The following ZEB1 variants were observed in gnomAD, a reference collection of about 807,000 sequenced individuals.
The protein encoded by ZEB1 is zinc finger E-box-binding homeobox 1.
A neutral mutation model predicts 84.9 loss-of-function variants in ZEB1; 21 were observed. The observed-to-expected ratio is 0.25, with a 90% CI of 0.18 to 0.36. ZEB1 has a LOEUF of 0.36. Ranked by LOEUF, ZEB1 falls within the 10% of genes least tolerant of loss-of-function variation. The pLI, the probability that ZEB1 is intolerant of heterozygous loss-of-function variation, is 1.00. For missense variants in ZEB1, 1,104 were observed against 1,330.2 expected, an observed-to-expected ratio of 0.83 and a Z score of 2.65; for synonymous variants, 420 against 471.1, an observed-to-expected ratio of 0.89 and a Z score of 1.41.
At chr10:31,322,413 G>A (rs2034356933) in intron 1 of ZEB1, among the ~76,000 whole-genome samples, 1 of 152,178 alleles carries the variant, frequency 6.6e-6, no homozygotes, top group Non-Finnish European at 1.5e-5. Flanking sequence ...TGTTATATAT[G>A]TAAATAATGT....
chr10:31,509,021 G>A (rs1392712136), intron 4 of ZEB1, among the ~76,000 whole-genome samples: 1 of 152,142 alleles, frequency 6.6e-6, no homozygotes. Context: ...CAGCTCCTCT[G>A]CTGGGAGGAG....
intron 1 of ZEB1, among the ~76,000 whole-genome samples, chr10:31,346,793 C>T (rs2040397422): frequency 6.6e-6 from 1 of 152,156 alleles, no homozygotes; most frequent in African/African-American, 2.4e-5. Flanking sequence ...AGTCCCATTT[C>T]TGTCTTAAAA....
intron 1 of ZEB1, chr10:31,363,408 CTT>C: frequency 6.5e-7 from 1 of 1,534,490 alleles, no homozygotes. Context: ...CTGTCAAGCT[CTT>C]GAGGTGGACA....
At chr10:31,391,507 C>T (rs1199540948) in intron 1 of ZEB1, among the ~76,000 whole-genome samples, 1 of 151,900 alleles carries the variant, frequency 6.6e-6, no homozygotes, top group African/African-American at 2.4e-5. Flanking sequence ...CTAGAAATAT[C>T]CTGGGTTTAT....
At chr10:31,364,416 C>T (rs946268485) in intron 1 of ZEB1, among the ~76,000 whole-genome samples, 6 of 152,138 alleles carry the variant, frequency 3.9e-5, no homozygotes, top group African/African-American at 1.2e-4. Context: ...TGGCTAGCAC[C>T]CAGTGGCCCT....
At chr10:31,321,689 A>G (rs914790842) in intron 1 of ZEB1, 1 of 1,043,190 alleles carries the variant, frequency 9.6e-7, no homozygotes, top group African/African-American at 1.6e-5. Flanking sequence ...TTACCTGAAC[A>G]GGAAAGAATG....
At chr10:31,501,853 C>T (rs2068190741) in intron 3 of ZEB1, among the ~76,000 whole-genome samples, 1 of 152,126 alleles carries the variant, frequency 6.6e-6, no homozygotes, top group Non-Finnish European at 1.5e-5. Flanking sequence ...AATTATTCTT[C>T]TTGTACTGTA....
chr10:31,479,416 T>A (rs1310222550), intron 2 of ZEB1, among the ~76,000 whole-genome samples: 2 of 151,924 alleles, frequency 1.3e-5, no homozygotes, highest in Non-Finnish European at 2.9e-5. Flanking sequence ...AAGACCAGCA[T>A]TGTTATGATA....
chr10:31,386,781 G>A (rs534300554), intron 1 of ZEB1, among the ~76,000 whole-genome samples: 27 of 152,098 alleles, frequency 1.8e-4, no homozygotes, highest in Non-Finnish European at 3.5e-4. Flanking sequence ...CTAACCCATT[G>A]CTTTTTAATG....
chr10:31,362,904 C>G, intron 1 of ZEB1: 1 of 1,432,918 alleles, frequency 7.0e-7, no homozygotes, highest in East Asian at 2.5e-5. Flanking sequence ...CTCTCATGTT[C>G]TTACGCATGT....
intron 1 of ZEB1, among the ~76,000 whole-genome samples, chr10:31,326,066 T>G (rs1485483291): frequency 6.6e-6 from 1 of 151,918 alleles, no homozygotes; most frequent in Non-Finnish European, 1.5e-5. Context: ...ATATGGAAGA[T>G]TCATCTTTTC....
At chr10:31,438,600 G>A (rs1591263576) in intron 1 of ZEB1, among the ~76,000 whole-genome samples, 1 of 152,130 alleles carries the variant, frequency 6.6e-6, no homozygotes, top group African/African-American at 2.4e-5. Context: ...ACTTTGGAAG[G>A]CCAAGCCGGA....
At chr10:31,471,024 G>T (rs1244299589) in intron 2 of ZEB1, among the ~76,000 whole-genome samples, 32 of 132,294 alleles carry the variant, frequency 2.4e-4, no homozygotes, top group Admixed American at 8.5e-4. Flanking sequence ...GAGAGATTTT[G>T]TCACCAGCAG....
chr10:31,387,650 G>A, intron 1 of ZEB1: 8 of 683,194 alleles, frequency 1.2e-5, no homozygotes, highest in Non-Finnish European at 1.3e-5. Flanking sequence ...AATAGCTTCA[G>A]TTGATAGAGC....
At chr10:31,449,336 T>G (rs184302135) in intron 1 of ZEB1, among the ~76,000 whole-genome samples, 1,892 of 152,322 alleles carry the variant, frequency 0.012, 31 homozygotes, top group African/African-American at 0.043. Context: ...GAGATGAACC[T>G]GGTACCTCAG....
At chr10:31,321,634 G>T in intron 1 of ZEB1, 1 of 1,571,328 alleles carries the variant, frequency 6.4e-7, no homozygotes, top group Non-Finnish European at 8.8e-7. Context: ...TGTGTGACAT[G>T]TGAGTCTGAA....
intron 1 of ZEB1, among the ~76,000 whole-genome samples, chr10:31,396,691 T>C (rs980845345): frequency 8.5e-5 from 13 of 152,206 alleles, no homozygotes; most frequent in African/African-American, 2.9e-4. Context: ...GATTATTGTC[T>C]TGCTGTTTAG....
intron 1 of ZEB1, chr10:31,361,223 T>C: frequency 6.2e-7 from 1 of 1,610,710 alleles, no homozygotes. Context: ...GGACGCAGTC[T>C]TGCTCTGTCA....
At chr10:31,401,096 C>G (rs1261865764) in intron 1 of ZEB1, among the ~76,000 whole-genome samples, 1 of 152,040 alleles carries the variant, frequency 6.6e-6, no homozygotes, top group East Asian at 1.9e-4. Flanking sequence ...CATATAACTT[C>G]TTGCATTTGC....
Sources: allele counts gnomAD v4.1 joint callset (sites outside exome capture counted in the v4.1 genomes callset), GRCh38; gene constraint gnomAD v4.1.1; transcripts MANE v1.5; gene names NCBI Gene and HGNC (gene_info 2026-07-23, HGNC 2026-07-21).